The following PLCG2 variants were observed in gnomAD, a reference collection of about 807,000 sequenced individuals.
PLCG2 encodes phospholipase C gamma 2.
Under a neutral mutation model 175.6 loss-of-function variants are expected in PLCG2, and 69 were observed. The observed-to-expected ratio is 0.39, with a 90% CI of 0.32 to 0.48. The LOEUF is 0.48. PLCG2 is among the 20% of genes least tolerant of loss of function. The pLI, the probability that PLCG2 is intolerant of heterozygous loss-of-function variation, is 0.91. For synonymous variants in PLCG2, 827 were observed against 624.0 expected (o/e 1.33, Z -4.85); for missense variants, 1,798 against 1,650.9 (o/e 1.09, Z -1.54).
chr16:81,744,212 G>A (rs1436881731), intron 1 of PLCG2, among the ~76,000 whole-genome samples: 1 of 141,430 alleles, frequency 7.1e-6, no homozygotes, highest in African/African-American at 2.7e-5. Context: ...TCTGTCACCA[G>A]GCTGGTGTGC....
At chr16:81,883,171 C>G (rs750990172) in intron 8 of PLCG2, 98 bp from the exon 9 acceptor site, 24 of 975,152 alleles carry the variant, frequency 2.5e-5, no homozygotes, top group Non-Finnish European at 1.6e-6. Flanking sequence ...CTAAGTGGGG[C>G]GTTCTGGGTG....
chr16:81,744,559 A>C (rs1043613943), intron 1 of PLCG2, among the ~76,000 whole-genome samples: 1 of 151,784 alleles, frequency 6.6e-6, no homozygotes, highest in East Asian at 1.9e-4. Context: ...CATAAATAGC[A>C]GTCATGATGG....
chr16:81,805,765 T>G (rs560024350), intron 2 of PLCG2, among the ~76,000 whole-genome samples: 2 of 84,192 alleles, frequency 2.4e-5, no homozygotes, highest in South Asian at 4.1e-4. Flanking sequence ...GTGTTTTGTT[T>G]TGTTTTTTTT....
At chr16:81,929,776 T>C (rs1013020534) in intron 24 of PLCG2, among the ~76,000 whole-genome samples, 2 of 152,264 alleles carry the variant, frequency 1.3e-5, no homozygotes, top group Non-Finnish European at 2.9e-5. Flanking sequence ...TTTGCTCCGA[T>C]TACCAGATGG....
intron 14 of PLCG2, among the ~76,000 whole-genome samples, chr16:81,904,261 G>A (rs1475312368): frequency 6.6e-6 from 1 of 152,098 alleles, no homozygotes; most frequent in Non-Finnish European, 1.5e-5. Flanking sequence ...GCCACGTCCC[G>A]ATTTTACGAG....
chr16:81,921,323 G>T (rs376940359), intron 21 of PLCG2, 54 bp downstream of exon 21: 2 of 1,137,766 alleles, frequency 1.8e-6, no homozygotes, highest in African/African-American at 1.5e-5. Context: ...GGCTGATGTG[G>T]ATTCCATCTT....
At chr16:81,791,762 A>G (rs1223474343) in intron 2 of PLCG2, among the ~76,000 whole-genome samples, 1 of 152,050 alleles carries the variant, frequency 6.6e-6, no homozygotes, top group African/African-American at 2.4e-5. Flanking sequence ...ATGGGCTTTC[A>G]CCATGTTGGC....
At chr16:81,859,767 A>C (rs1443217309) in intron 5 of PLCG2, among the ~76,000 whole-genome samples, 1 of 152,054 alleles carries the variant, frequency 6.6e-6, no homozygotes, top group African/African-American at 2.4e-5. Context: ...TGAACTCCTG[A>C]CCTTGTGATC....
intron 2 of PLCG2, among the ~76,000 whole-genome samples, chr16:81,798,236 A>G (rs996006741): frequency 6.6e-6 from 1 of 152,174 alleles, no homozygotes; most frequent in African/African-American, 2.4e-5. Flanking sequence ...TCCAGTATGT[A>G]CTTAACACAG....
At chr16:81,888,565 T>TA (rs1908484016) in intron 9 of PLCG2, among the ~76,000 whole-genome samples, 1 of 152,202 alleles carries the variant, frequency 6.6e-6, no homozygotes, top group African/African-American at 2.4e-5. Context: ...CAATGCTTCA[T>TA]ACAGTGTACA....
At chr16:81,879,140 C>A (rs1813976949) in intron 7 of PLCG2, among the ~76,000 whole-genome samples, 1 of 152,088 alleles carries the variant, frequency 6.6e-6, no homozygotes, top group African/African-American at 2.4e-5. Context: ...AAGGAGAGGG[C>A]TGAAGAATTG....
chr16:81,844,800 A>G (rs1405190241), intron 2 of PLCG2, among the ~76,000 whole-genome samples: 1 of 152,288 alleles, frequency 6.6e-6, no homozygotes, highest in Non-Finnish European at 1.5e-5. Flanking sequence ...ACACATGGCC[A>G]TGTATGTGTG....
intron 6 of PLCG2, 96 bp downstream of exon 6, chr16:81,869,394 T>C (rs571514350): frequency 1.2e-6 from 1 of 832,120 alleles, no homozygotes; most frequent in Non-Finnish European, 2.1e-6. Flanking sequence ...CGTGGAATAG[T>C]GCACAAGAAA....
upstream of PLCG2, among the ~76,000 whole-genome samples, chr16:81,776,472 C>A (rs1040099232): frequency 6.6e-6 from 1 of 152,108 alleles, no homozygotes; most frequent in Non-Finnish European, 1.5e-5. Context: ...AGAATGGTTC[C>A]TTCCCCACCT....
At chr16:81,778,016 C>CAAAAAAAAA (rs753644088), upstream of PLCG2, among the ~76,000 whole-genome samples, 4 of 49,090 alleles carry the variant, frequency 8.1e-5, no homozygotes, top group Admixed American at 2.3e-4. Flanking sequence ...GACTTTGTCT[C>CAAAAAAAAA]AAAAAAAAAA....
At chr16:81,827,343 G>A (rs755260208) in intron 2 of PLCG2, among the ~76,000 whole-genome samples, 1 of 151,816 alleles carries the variant, frequency 6.6e-6, no homozygotes, top group Non-Finnish European at 1.5e-5. Flanking sequence ...GCTCCCATGC[G>A]CAGCTATTTT....
intron 31 of PLCG2, among the ~76,000 whole-genome samples, chr16:81,948,331 GGA>G (rs1262843780): frequency 1.3e-5 from 2 of 151,626 alleles, no homozygotes; most frequent in African/African-American, 4.8e-5. Context: ...ATGGGACTGG[GGA>G]AAATAGGAAA....
At chr16:81,884,887 A>AT (rs892014771) in intron 9 of PLCG2, among the ~76,000 whole-genome samples, 76 of 149,652 alleles carry the variant, frequency 5.1e-4, no homozygotes, top group South Asian at 1.9e-3. Flanking sequence ...GCATTTTGCA[A>AT]TTTTTTTTTT....
chr16:81,894,221 G>C (rs1478234331), intron 12 of PLCG2, among the ~76,000 whole-genome samples: 1 of 152,092 alleles, frequency 6.6e-6, no homozygotes, highest in Non-Finnish European at 1.5e-5. Flanking sequence ...ATGAGGCCAA[G>C]AGTTTGAGAC....
Sources: allele counts gnomAD v4.1 joint callset (sites outside exome capture counted in the v4.1 genomes callset), GRCh38; gene constraint gnomAD v4.1.1; transcripts MANE v1.5; gene names NCBI Gene and HGNC (gene_info 2026-07-23, HGNC 2026-07-21).